The following THUMPD2 variants were observed in gnomAD, a reference collection of about 807,000 sequenced individuals.
THUMPD2 encodes the protein U6 snRNA (guanine-N(2))-methyltransferase THUMPD2.
THUMPD2 carries 56 observed loss-of-function variants against 49.4 expected under a neutral mutation model. The ratio of observed to expected loss-of-function variants is 1.13; its 90% CI spans 0.91 to 1.41. The LOEUF (loss-of-function observed/expected upper bound fraction) is 1.41. Ranked by LOEUF, THUMPD2 falls within the 40% of genes most tolerant of loss-of-function variation. The probability of loss-of-function intolerance (pLI) is 0.00; values close to 1 mark genes in which losing one functional copy is unlikely to be tolerated. For missense variants in THUMPD2, 709 were observed against 594.5 expected, an observed-to-expected ratio of 1.19 and a Z score of -2.00; for synonymous variants, 237 against 205.2, an observed-to-expected ratio of 1.15 and a Z score of -1.32.
rs913918383 is a variant in THUMPD2, at chr2:39,768,499, C to T, written c.675G>A (p.Glu225=). The change falls in exon 4 of 10, where the codon GAG becomes GAA. Residue 225 remains glutamate (E), a splice_region_variant and synonymous_variant. Coordinates refer to ENST00000505747, the MANE Select transcript of THUMPD2 (RefSeq NM_025264.5). ...TAGCAATTCCAATTACTTTTCCTAC[C>T]TCCTGGAAAAGTACCAAGTTAAAGA... The part of the protein sequence containing the change: ...GTIGKAFTAQ[E]VGKVIGIAIM... 5.6e-6 allele frequency: 9 copies of T among 1,609,580 alleles called. No individual in the cohort carries two copies. Among genetic ancestry groups the T allele is most frequent in the Non-Finnish European group, 6.8e-6 (8 of 1,177,972 alleles).
intron 7 of THUMPD2, 79 bp from the exon 8 acceptor site, chr2:39,755,488 C>A (rs1675980259): frequency 1.6e-5 from 15 of 931,834 alleles, no homozygotes; most frequent in Non-Finnish European, 2.2e-5. Flanking sequence ...CTTGCATTTT[C>A]TCAAATGACA....
chr2:39,737,884 A>G (rs1316388509), intron 9 of THUMPD2, among the ~76,000 whole-genome samples: 1 of 151,726 alleles, frequency 6.6e-6, no homozygotes, highest in African/African-American at 2.4e-5. Context: ...AAAGCAGCTC[A>G]GTGGGTGGGT....
At position 39,744,423 on chromosome 2, in the gene THUMPD2, C is replaced by T. The variant is rs1572750728; in HGVS notation, c.1134G>A (p.Gly378=). The change falls in exon 9 of 10, where the codon GGG becomes GGA. Residue 378 remains glycine, a synonymous_variant. Transcript: ENST00000505747. ...VDIIISDIPF[G]KKFKLGKDIK... is the part of the protein sequence containing the mutation. Reference sequence around the variant, plus strand: ...TGTCTTTTCCTAACTTAAACTTTTTCCCAAATGGAATGTCAGAAATAATAA... The same window carrying T: ...TGTCTTTTCCTAACTTAAACTTTTTTCCAAATGGAATGTCAGAAATAATAA... 3.1e-6 allele frequency: 5 copies of T among 1,590,224 alleles called. No homozygotes were observed. Among genetic ancestry groups the T allele is most frequent in the Non-Finnish European group, 4.3e-6 (5 of 1,171,584 alleles).
chr2:39,745,075 T>A (rs892422792), intron 8 of THUMPD2, among the ~76,000 whole-genome samples: 1 of 152,160 alleles, frequency 6.6e-6, no homozygotes, highest in Admixed American at 6.5e-5. Context: ...AGTTACGTTA[T>A]CAGAAAGTAA....
At chr2:39,775,904 C>T (rs1679032823) in intron 1 of THUMPD2, among the ~76,000 whole-genome samples, 1 of 151,946 alleles carries the variant, frequency 6.6e-6, no homozygotes, top group African/African-American at 2.4e-5. Context: ...ACCCTATTAC[C>T]CTCGACTGTG....
intron 5 of THUMPD2, among the ~76,000 whole-genome samples, chr2:39,765,164 T>G (rs1456743313): frequency 6.6e-6 from 1 of 151,980 alleles, no homozygotes; most frequent in Non-Finnish European, 1.5e-5. Context: ...CTTCCTAAAT[T>G]TTTTTGTTTT....
chr2:39,764,575 T>A (rs994581340), intron 5 of THUMPD2, among the ~76,000 whole-genome samples: 16 of 152,190 alleles, frequency 1.1e-4, no homozygotes, highest in Non-Finnish European at 1.8e-4. Flanking sequence ...TTAGGACAAA[T>A]TTTTATGTGA....
At chr2:39,776,534 C>T (rs1679127198) in intron 1 of THUMPD2, among the ~76,000 whole-genome samples, 1 of 151,852 alleles carries the variant, frequency 6.6e-6, no homozygotes, top group African/African-American at 2.4e-5. Flanking sequence ...GCCGGGACTA[C>T]AGGTGTACGC....
chr2:39,747,833 A>T (rs971296555), intron 8 of THUMPD2, among the ~76,000 whole-genome samples: 1 of 152,140 alleles, frequency 6.6e-6, no homozygotes, highest in Non-Finnish European at 1.5e-5. Flanking sequence ...ACAAAACTCA[A>T]ATTATCTCTA....
intron 6 of THUMPD2, among the ~76,000 whole-genome samples, chr2:39,759,137 C>T (rs2148283364): frequency 6.6e-6 from 1 of 151,932 alleles, no homozygotes; most frequent in Admixed American, 6.6e-5. Context: ...AGCCAGGAAG[C>T]TTAACATGTT....
chr2:39,774,387 AC>A (rs1418485539), intron 1 of THUMPD2, among the ~76,000 whole-genome samples: 2 of 152,226 alleles, frequency 1.3e-5, no homozygotes, highest in African/African-American at 4.8e-5. Flanking sequence ...AATTTTTGTG[AC>A]CAGAAATATG....
chr2:39,741,811 T>C (rs1673928975), intron 9 of THUMPD2, among the ~76,000 whole-genome samples: 1 of 152,208 alleles, frequency 6.6e-6, no homozygotes, highest in Admixed American at 6.5e-5. Flanking sequence ...CACAATTTCC[T>C]ATCCCTTCCA....
Position 39,769,962 on chromosome 2 carries a change from A to C in THUMPD2, c.420T>G (p.Asn140Lys). ...TTTTTAATTTCTTTGCAATGATTTCATTTTCTCCCACTTTTCTTTTTAGTT... is the reference window on the plus strand; with the variant it reads ...TTTTTAATTTCTTTGCAATGATTTCCTTTTCTCCCACTTTTCTTTTTAGTT... ...DNQLKRKVGE[N>K]EIIAKKLKIE... The change falls in exon 3 of 10, where the codon AAT becomes AAG. Residue 140 changes from asparagine (N) to lysine (K), a missense_variant. Transcript: ENST00000505747. 6.3e-7 allele frequency: 1 copy of C among 1,577,724 alleles called. No homozygotes were observed. Among genetic ancestry groups the C allele is most frequent in the Non-Finnish European group, 8.6e-7 (1 of 1,169,514 alleles).
In THUMPD2 at chr2:39,759,353, C is replaced by T. The variant is rs977179105; in HGVS notation, c.891+1978G>A. On this transcript the variant is annotated intron_variant, in intron 6 of 9. Transcript: ENST00000505747. ...TTTTGGTATAATTATTTATTATTACCAAAATGGCAGCTAATACTTAGACAC... is the reference window on the plus strand; with the variant it reads ...TTTTGGTATAATTATTTATTATTACTAAAATGGCAGCTAATACTTAGACAC... Among the ~76,000 whole-genome samples, 4 of 151,302 alleles carry T rather than the reference C, an allele frequency of 2.6e-5. No individual in the cohort carries two copies. In the South Asian group the frequency reaches 6.4e-4, roughly 24 times the overall value.
At chr2:39,769,643 A>C (rs1678044273) in intron 3 of THUMPD2, 67 bp downstream of exon 3, 2 of 1,427,222 alleles carry the variant, frequency 1.4e-6, no homozygotes, top group Admixed American at 5.4e-5. Flanking sequence ...TGGAGGTTGC[A>C]GTGAGCCAGA....
At chr2:39,737,837 A>T (rs1166969940) in intron 9 of THUMPD2, among the ~76,000 whole-genome samples, 1 of 152,184 alleles carries the variant, frequency 6.6e-6, no homozygotes, top group African/African-American at 2.4e-5. Context: ...CAGAAAAAGC[A>T]GCAAAGACGG....
chr2:39,760,360 CAT>C (rs1347113944), intron 6 of THUMPD2, among the ~76,000 whole-genome samples: 1 of 151,880 alleles, frequency 6.6e-6, no homozygotes, highest in Admixed American at 6.6e-5. Context: ...AGAGTAGAGT[CAT>C]ATATATTTAG....
At chr2:39,778,242 T>C (rs1164535650) in intron 1 of THUMPD2, among the ~76,000 whole-genome samples, 1 of 152,238 alleles carries the variant, frequency 6.6e-6, no homozygotes, top group African/African-American at 2.4e-5. Flanking sequence ...AGTTATTATA[T>C]ATTGATGCTT....
chr2:39,760,012 T>C (rs1428279413), intron 6 of THUMPD2, among the ~76,000 whole-genome samples: 2 of 152,150 alleles, frequency 1.3e-5, no homozygotes, highest in East Asian at 3.8e-4. Context: ...TAATGTATCT[T>C]AGTGTGTGTG....
Sources: allele counts gnomAD v4.1 joint callset (sites outside exome capture counted in the v4.1 genomes callset), GRCh38; gene constraint gnomAD v4.1.1; transcripts MANE v1.5; gene names NCBI Gene and HGNC (gene_info 2026-07-23, HGNC 2026-07-21).